Variants in GBP7 observed in about 807,000 individuals in gnomAD.
The protein encoded by GBP7 is guanylate binding protein 7.
GBP7 carries 43 observed loss-of-function variants against 61.3 expected under a neutral mutation model. The ratio of observed to expected loss-of-function variants is 0.70; its 90% CI spans 0.55 to 0.91. The LOEUF is 0.91. GBP7 is among the 40% of genes least tolerant of loss of function. The pLI, the probability that GBP7 is intolerant of heterozygous loss-of-function variation, is 0.00. For synonymous variants in GBP7, 267 were observed against 271.0 expected (o/e 0.99, Z 0.14); for missense variants, 717 against 740.5 (o/e 0.97, Z 0.37).
chr1:89,154,244 C>T (rs1682264639), intron 3 of GBP7, among the ~76,000 whole-genome samples: 1 of 152,186 alleles, frequency 6.6e-6, no homozygotes, highest in South Asian at 2.1e-4. Flanking sequence ...TTGTTGTACA[C>T]TGAAATGATG....
At chr1:89,175,172 T>G (rs190889016) in intron 1 of GBP7, among the ~76,000 whole-genome samples, 25 of 152,336 alleles carry the variant, frequency 1.6e-4, no homozygotes, top group African/African-American at 5.1e-4. Context: ...AGTTTTCTTT[T>G]TTATCCTATA....
intron 3 of GBP7, among the ~76,000 whole-genome samples, chr1:89,162,252 C>T (rs563680554): frequency 6.6e-6 from 1 of 152,110 alleles, no homozygotes; most frequent in South Asian, 2.1e-4. Flanking sequence ...TATTTTTTGC[C>T]TGAGCTCTTT....
At chr1:89,158,006 A>G (rs1490235345) in intron 3 of GBP7, among the ~76,000 whole-genome samples, 1 of 152,208 alleles carries the variant, frequency 6.6e-6, no homozygotes, top group Non-Finnish European at 1.5e-5. Flanking sequence ...CAAAAAGTGT[A>G]TCCACCACGA....
chr1:89,171,502 CATT>C (rs1471858815), intron 2 of GBP7, among the ~76,000 whole-genome samples: 4 of 151,496 alleles, frequency 2.6e-5, no homozygotes, highest in African/African-American at 4.9e-5. Context: ...TTTAATAATG[CATT>C]ATTATTTAAT....
chr1:89,152,646 T>C, intron 4 of GBP7, 22 bp downstream of exon 4: 1 of 1,604,966 alleles, frequency 6.2e-7, no homozygotes, highest in South Asian at 1.1e-5. Context: ...AAAACCTGGC[T>C]CTTCACTTCC....
chr1:89,156,613 C>G (rs1032049967), intron 3 of GBP7, among the ~76,000 whole-genome samples: 1 of 152,108 alleles, frequency 6.6e-6, no homozygotes, highest in Admixed American at 6.5e-5. Flanking sequence ...ACAAAGAAGG[C>G]CATTACATAA....
chr1:89,151,550 G>A (rs1238482742), intron 5 of GBP7, among the ~76,000 whole-genome samples: 2 of 152,184 alleles, frequency 1.3e-5, no homozygotes, highest in African/African-American at 4.8e-5. Context: ...TTTGTTGAAA[G>A]GATGAACAAA....
At chr1:89,157,284 A>G (rs919298747) in intron 3 of GBP7, among the ~76,000 whole-genome samples, 33 of 152,224 alleles carry the variant, frequency 2.2e-4, no homozygotes, top group African/African-American at 8.0e-4. Flanking sequence ...CTAACATCAC[A>G]ATTAAAAGAA....
chr1:89,174,539 AC>A (rs1282239630), intron 1 of GBP7, among the ~76,000 whole-genome samples: 1 of 152,208 alleles, frequency 6.6e-6, no homozygotes, highest in African/African-American at 2.4e-5. Flanking sequence ...AGTAATCTTC[AC>A]CTGGGAAACA....
intron 10 of GBP7, 78 bp from the exon 11 acceptor site, chr1:89,132,481 G>C (rs1681704111): frequency 5.8e-6 from 6 of 1,027,108 alleles, no homozygotes; most frequent in Non-Finnish European, 7.1e-6. Flanking sequence ...AATTTCATTA[G>C]TTAAACATGT....
At chr1:89,133,495 G>T in intron 9 of GBP7, 44 bp from the exon 10 acceptor site, 1 of 1,545,284 alleles carries the variant, frequency 6.5e-7, no homozygotes, top group Non-Finnish European at 8.9e-7. Flanking sequence ...TAACAGTCAG[G>T]TGGGAGAAGA....
chr1:89,141,928 A>G (rs1044907131), intron 8 of GBP7, among the ~76,000 whole-genome samples: 3 of 152,138 alleles, frequency 2.0e-5, no homozygotes, highest in Non-Finnish European at 4.4e-5. Flanking sequence ...CCAGATTTCT[A>G]TGCAGTTCTA....
At chr1:89,151,639 T>C (rs562392114) in intron 5 of GBP7, among the ~76,000 whole-genome samples, 71 of 152,152 alleles carry the variant, frequency 4.7e-4, no homozygotes, top group Admixed American at 4.1e-3. Context: ...AAATGTATAA[T>C]AGATTGACAA....
chr1:89,175,639 A>G (rs1647720664), intron 1 of GBP7, among the ~76,000 whole-genome samples: 2 of 152,240 alleles, frequency 1.3e-5, no homozygotes, highest in Admixed American at 6.5e-5. Flanking sequence ...CCTATTAGGC[A>G]GATATTTAAA....
Position 89,164,758 on chromosome 1 carries a change from G to A in GBP7, c.291C>T (p.Asp97=). ...TTTCCATATCACCCAGGCCCTCCGT[G>A]TCCAGAAGGATCAGGGTGTGGTTTG... ...SKPNHTLILL[D]TEGLGDMEKS... Residue 97 remains aspartate (D), a synonymous_variant, in exon 3 of 11, where the codon GAC becomes GAT. Transcript: ENST00000294671. 6.2e-7 allele frequency: 1 copy of A among 1,613,898 alleles called. No homozygotes were observed. The highest frequency in any genetic ancestry group is 2.2e-5 in the East Asian group (1 of 44,846).
intron 8 of GBP7, among the ~76,000 whole-genome samples, chr1:89,144,607 GTTGA>G (rs1332440285): frequency 1.3e-5 from 2 of 152,018 alleles, no homozygotes; most frequent in Non-Finnish European, 2.9e-5. Context: ...GTTTTTTGAA[GTTGA>G]TTGATAAGTA....
rs1367854473 is a variant in GBP7, at chr1:89,147,680, T to A, written c.1252A>T (p.Thr418Ser). Residue 418 changes from threonine to serine, a missense_variant, in exon 8 of 11, where the codon ACA (threonine) becomes TCA (serine). Around this residue, in one of 3 missense-constraint regions of GBP7, gnomAD observed 312 missense variants for 310.1 expected, o/e 1.01. Coordinates refer to ENST00000294671, the MANE Select transcript of GBP7 (RefSeq NM_207398.3). ...AAAGTTCCTCTTGAAATACTTTCTG[T>A]CAAGAGCTCTGAAAGCCGCTTAAGC... ...AELKRLSELL[T>S]ESISRGTFFV... The A allele has an allele frequency of 2.5e-6, 4 of 1,614,216 alleles. No homozygotes were observed. Among genetic ancestry groups the A allele is most frequent in the Non-Finnish European group, 3.4e-6 (4 of 1,180,030 alleles).
chr1:89,136,801 A>G (rs1420071305), intron 9 of GBP7, among the ~76,000 whole-genome samples: 2 of 152,148 alleles, frequency 1.3e-5, no homozygotes, highest in East Asian at 1.9e-4. Flanking sequence ...AGAAATAACC[A>G]AAATCAGACT....
chr1:89,171,240 T>G (rs1484084754), intron 2 of GBP7, among the ~76,000 whole-genome samples: 3 of 152,204 alleles, frequency 2.0e-5, no homozygotes, highest in Non-Finnish European at 4.4e-5. Flanking sequence ...ACTGATTGGC[T>G]TAGTTAGAAA....
Sources: gnomAD v4.1 joint callset for allele counts (sites outside exome capture counted in the v4.1 genomes callset) on GRCh38, gnomAD v4.1.1 for gene constraint, gnomAD v4.1.1 regional missense constraint, MANE v1.5 for transcripts, NCBI Gene and HGNC (gene_info 2026-07-23, HGNC 2026-07-21) for gene names.